The following C8A variants were observed in gnomAD, a reference collection of about 807,000 sequenced individuals.
C8A encodes complement C8 alpha chain, also known as complement component C8 alpha chain.
C8A carries 67 observed loss-of-function variants against 65.3 expected under a neutral mutation model. The ratio of observed to expected loss-of-function variants is 1.03; its 90% CI spans 0.84 to 1.26. The LOEUF (loss-of-function observed/expected upper bound fraction) is 1.26, where lower values mean the gene tolerates loss of function less well. Among genes scored for constraint, C8A ranks in the 50% most tolerant of loss-of-function variants. The pLI is 0.00. For missense variants in C8A, 781 were observed against 723.9 expected (o/e 1.08, Z -0.90); for synonymous variants, 290 against 259.4 (o/e 1.12, Z -1.13).
At chr1:56,890,719 T>G (rs901063382) in intron 7 of C8A, among the ~76,000 whole-genome samples, 1 of 152,098 alleles carries the variant, frequency 6.6e-6, no homozygotes, top group Non-Finnish European at 1.5e-5. Context: ...CTAGAGTCTT[T>G]GTATTAGCCG....
intron 7 of C8A, among the ~76,000 whole-genome samples, chr1:56,897,468 G>C (rs6700128): frequency 0.45 from 68,443 of 152,072 alleles, 15,878 homozygotes; most frequent in African/African-American, 0.55. Context: ...CAAGATGCGG[G>C]CTCAGCCAGA....
rs1754533 is a variant in C8A at position 56,912,525 on chromosome 1, T to C, written c.1503T>C (p.Pro501=). 0.062 allele frequency: 100,133 copies of C among 1,614,104 alleles called. 4,777 individuals are homozygous for C. Among genetic ancestry groups the C allele is most frequent in the African/African-American group, 0.22 (16,593 of 75,028 alleles). The change falls in exon 10 of 11, where the codon CCT becomes CCC. Residue 501 remains proline, a synonymous_variant. Transcript: ENST00000361249. ...LMEFNACRCG[P]CFNNGVPILE... is the part of the protein sequence containing the mutation. Reference sequence around the variant, plus strand: ...AATTCAATGCCTGCCGATGTGGGCCTTGCTTCAACAATGGGGTGCCCATCC... The same window carrying C: ...AATTCAATGCCTGCCGATGTGGGCCCTGCTTCAACAATGGGGTGCCCATCC...
intron 5 of C8A, among the ~76,000 whole-genome samples, chr1:56,882,954 A>G (rs1030029993): frequency 4.6e-5 from 7 of 152,208 alleles, no homozygotes; most frequent in African/African-American, 1.7e-4. Context: ...TCACAGGCTC[A>G]TAAGGCTTAC....
rs551768583 is a variant in C8A at position 56,877,232 on chromosome 1, G to T, written c.464+1023G>T. Among the ~76,000 whole-genome samples the T allele has an allele frequency of 4.6e-5, 7 of 152,256 alleles. No homozygotes were observed. In the South Asian group the frequency reaches 1.4e-3, roughly 32 times the overall value. On this transcript the variant is annotated intron_variant, in intron 4 of 10. Transcript: ENST00000361249. ...CAGAACCATGAGAAAATAAACTTCTGTTGTGTAGGGCACCTAGTCTATGGT... is the reference window on the plus strand; with the variant it reads ...CAGAACCATGAGAAAATAAACTTCTTTTGTGTAGGGCACCTAGTCTATGGT...
intron 7 of C8A, among the ~76,000 whole-genome samples, chr1:56,901,795 G>A (rs973344337): frequency 6.6e-6 from 1 of 151,786 alleles, no homozygotes; most frequent in Non-Finnish European, 1.5e-5. Flanking sequence ...CTTGTCTCTG[G>A]CTCCTTCTTC....
At chr1:56,917,476 CCA>C in intron 10 of C8A, 87 bp from the exon 11 acceptor site, 1 of 1,392,520 alleles carries the variant, frequency 7.2e-7, no homozygotes, top group Non-Finnish European at 1.0e-6. Context: ...CCCAAGGGTG[CCA>C]CACACCCCTC....
intron 2 of C8A, among the ~76,000 whole-genome samples, chr1:56,871,320 G>A (rs911080599): frequency 2.0e-5 from 3 of 152,148 alleles, no homozygotes; most frequent in African/African-American, 7.2e-5. Context: ...AAGCTTCCGC[G>A]GCTGACCGCT....
chr1:56,881,846 T>C (rs1644251100), intron 5 of C8A, among the ~76,000 whole-genome samples: 1 of 152,196 alleles, frequency 6.6e-6, no homozygotes, highest in South Asian at 2.1e-4. Context: ...TGTTAAATCT[T>C]GGCTCCATTC....
At chr1:56,899,801 C>T (rs1644412869) in intron 7 of C8A, among the ~76,000 whole-genome samples, 1 of 152,158 alleles carries the variant, frequency 6.6e-6, no homozygotes. Flanking sequence ...GTCCAGAGCA[C>T]ATTACATGGC....
intron 10 of C8A, 66 bp from the exon 11 acceptor site, chr1:56,917,497 TCA>T: frequency 6.4e-7 from 1 of 1,559,866 alleles, no homozygotes; most frequent in Non-Finnish European, 8.8e-7. Flanking sequence ...TCCCTGTTCA[TCA>T]CCAGACAGGC....
rs147734972 is a variant in C8A at position 56,871,317 on chromosome 1, C to T, written c.171+3615C>T. Among the ~76,000 whole-genome samples, 23 of 152,298 alleles carry T rather than the reference C, an allele frequency of 1.5e-4. No individual in the cohort carries two copies. The East Asian group carries it at 3.7e-3, about 24-fold the overall frequency. The stretch of plus-strand genomic sequence containing the variant: ...TGGTCAGTTGACTCCAAAAAGCTTC[C>T]GCGGCTGACCGCTCCACACTACTGC... On this transcript the variant is annotated intron_variant, in intron 2 of 10. Transcript: ENST00000361249.
At chr1:56,873,907 T>C (rs374492766) in intron 2 of C8A, among the ~76,000 whole-genome samples, 137 of 152,306 alleles carry the variant, frequency 9.0e-4, no homozygotes, top group African/African-American at 3.0e-3. Flanking sequence ...AGCTTCCTTC[T>C]TCTACGCTAG....
At chr1:56,915,697 T>G (rs989666724) in intron 10 of C8A, among the ~76,000 whole-genome samples, 3 of 152,134 alleles carry the variant, frequency 2.0e-5, no homozygotes, top group Admixed American at 2.0e-4. Context: ...AATTTACAGA[T>G]GAGGAAAACA....
At chr1:56,905,178 C>T (rs1416808719) in intron 7 of C8A, among the ~76,000 whole-genome samples, 1 of 152,194 alleles carries the variant, frequency 6.6e-6, no homozygotes, top group Non-Finnish European at 1.5e-5. Context: ...TGCCGGTGCT[C>T]AGAGCATCAC....
intron 6 of C8A, among the ~76,000 whole-genome samples, chr1:56,884,815 G>T (rs750126997): frequency 2.0e-5 from 3 of 151,994 alleles, no homozygotes; most frequent in Non-Finnish European, 2.9e-5. Context: ...ATTACTATTG[G>T]AATGTAAACT....
In C8A at chr1:56,908,721, C is replaced by T. The variant is rs1570352646; in HGVS notation, c.1380+608C>T. 3.9e-5 allele frequency among the ~76,000 whole-genome samples: 6 copies of T among 152,214 alleles called. No individual in the cohort carries two copies. The South Asian group carries it at 1.2e-3, about 32-fold the overall frequency. ...CCTCTGTCATAGATACTATTCCCTC[C>T]CATTAAAAAGATTAGGAAACAGGCT... On this transcript the variant is annotated intron_variant, in intron 9 of 10. Coordinates refer to ENST00000361249, the MANE Select transcript of C8A (RefSeq NM_000562.3).
rs1376408059 is a variant in C8A at position 56,917,736 on chromosome 1, G to T, written c.*20G>T. 3 of 1,613,568 alleles carry T rather than the reference G, an allele frequency of 1.9e-6. No homozygotes were observed. The highest frequency in any genetic ancestry group is 1.1e-5 in the South Asian group (1 of 91,036). ...TGCTGAGGGCCTCTGGACACAGGCT[G>T]GACCAGATGCTGTGGATGTCGACCC... On this transcript the variant is annotated 3_prime_UTR_variant, in exon 11 of 11. Coordinates refer to ENST00000361249, the MANE Select transcript of C8A (RefSeq NM_000562.3).
chr1:56,893,941 C>A (rs957773009), intron 7 of C8A, among the ~76,000 whole-genome samples: 7 of 152,160 alleles, frequency 4.6e-5, no homozygotes, highest in Non-Finnish European at 1.0e-4. Context: ...AATGAGAGTA[C>A]ATACTTCATA....
chr1:56,879,149 C>A (rs1164535798), intron 4 of C8A, among the ~76,000 whole-genome samples: 1 of 152,134 alleles, frequency 6.6e-6, no homozygotes, highest in East Asian at 1.9e-4. Context: ...CCTGCAAAGC[C>A]TAAAGCATTT....
Sources: gnomAD v4.1 joint callset for allele counts (sites outside exome capture counted in the v4.1 genomes callset) on GRCh38, gnomAD v4.1.1 for gene constraint, MANE v1.5 for transcripts, NCBI Gene and HGNC (gene_info 2026-07-23, HGNC 2026-07-21) for gene names.